DNAH5: variants seen among roughly 807,000 people sequenced by gnomAD.
The protein encoded by DNAH5 is axonemal beta dynein heavy chain 5.
A neutral mutation model predicts 518.2 loss-of-function variants in DNAH5; 372 were observed. The ratio of observed to expected loss-of-function variants is 0.72; its 90% CI spans 0.66 to 0.78. The LOEUF (loss-of-function observed/expected upper bound fraction) is 0.78. Among genes scored for constraint, DNAH5 ranks in the 30% least tolerant of loss-of-function variants. DNAH5 has a pLI of 0.00. For missense variants in DNAH5, 5,523 were observed against 5,687.0 expected (o/e 0.97, Z 0.93); for synonymous variants, 2,039 against 2,025.9 (o/e 1.01, Z -0.17).
intron 1 of DNAH5, among the ~76,000 whole-genome samples, chr5:13,985,925 C>T (rs998326604): frequency 2.0e-5 from 3 of 152,194 alleles, no homozygotes; most frequent in East Asian, 1.9e-4. Context: ...CTGCTCCATT[C>T]GGGATTTTTT....
chr5:13,850,796 T>A lies in DNAH5; in HGVS notation c.4970A>T (p.Asn1657Ile). 6.2e-7 allele frequency: 1 copy of A among 1,614,212 alleles called. No homozygotes were observed. The highest frequency in any genetic ancestry group is 1.7e-4 in the Middle Eastern group (1 of 6,044). ...GATCTTCACCCAAGATTTATCTATGTTAGAAAACCGCTTGGCTTCCTATGA... is the reference window on the plus strand; with the variant it reads ...GATCTTCACCCAAGATTTATCTATGATAGAAAACCGCTTGGCTTCCTATGA... ...QLPKEAKRFS[N>I]IDKSWVKIMT... The change falls in exon 31 of 79, where the codon AAC becomes ATC. Residue 1657 changes from asparagine (N) to isoleucine (I), a missense_variant. By Grantham distance (149) the Asn-to-Ile change is moderately radical. This residue lies in a region of DNAH5 where 5,121 missense variants were observed against 5,223.3 expected (regional missense o/e 0.98). Transcript: ENST00000265104.
At chr5:13,862,208 T>C (rs1448912539) in intron 29 of DNAH5, among the ~76,000 whole-genome samples, 2 of 152,154 alleles carry the variant, frequency 1.3e-5, no homozygotes, top group African/African-American at 4.8e-5. Flanking sequence ...TGGCTAATTA[T>C]ACGTTGCATT....
At chr5:13,837,692 CTTTTTTTTTTTTT>C (rs534618242) in intron 35 of DNAH5, among the ~76,000 whole-genome samples, 2 of 95,108 alleles carry the variant, frequency 2.1e-5, no homozygotes, top group African/African-American at 4.1e-5. Context: ...GGGAACTCCA[CTTTTTTTTTTTTT>C]TTTTTTTTTT....
At chr5:13,694,606 A>C (rs1741120817) in intron 78 of DNAH5, among the ~76,000 whole-genome samples, 1 of 152,172 alleles carries the variant, frequency 6.6e-6, no homozygotes, top group African/African-American at 2.4e-5. Flanking sequence ...CCTTGGGGGA[A>C]TTTCATTTTC....
intron 1 of DNAH5, among the ~76,000 whole-genome samples, chr5:13,988,188 G>A (rs763044809): frequency 2.0e-5 from 3 of 152,262 alleles, no homozygotes; most frequent in South Asian, 2.1e-4. Context: ...GTAGAAAATC[G>A]TAGTATCATA....
intron 75 of DNAH5, among the ~76,000 whole-genome samples, chr5:13,710,592 A>C (rs1200338604): frequency 2.6e-5 from 4 of 152,226 alleles, no homozygotes; most frequent in African/African-American, 9.6e-5. Context: ...TTCTTTGAAA[A>C]GATAAATAAA....
At chr5:13,827,400 T>C (rs1763018047) in intron 38 of DNAH5, among the ~76,000 whole-genome samples, 1 of 150,718 alleles carries the variant, frequency 6.6e-6, no homozygotes, top group South Asian at 2.1e-4. Flanking sequence ...GGAAAAATGG[T>C]TTCCTGGGCC....
At position 13,839,346 on chromosome 5, in the gene DNAH5, G is replaced by A. The variant is rs892709959; in HGVS notation, c.5882+10C>T. ...AAAATGGTGGGGGTTGGGGAGAAGG[G>A]TTCCATCACCTGTCTGTAAGTGGAG... On this transcript the variant is annotated intron_variant, in intron 35 of 78. Coordinates refer to ENST00000265104, the MANE Select transcript of DNAH5 (RefSeq NM_001369.3). 1.9e-6 allele frequency: 3 copies of A among 1,613,438 alleles called. No individual in the cohort carries two copies.
At chr5:13,716,737 T>A in intron 73 of DNAH5, 47 bp from the exon 74 acceptor site, 1 of 1,349,538 alleles carries the variant, frequency 7.4e-7, no homozygotes, top group Non-Finnish European at 1.1e-6. Flanking sequence ...TACCGTTGCA[T>A]TATTATTTCC....
chr5:14,002,836 A>AAT (rs1213808421), intron 1 of DNAH5, among the ~76,000 whole-genome samples: 10 of 151,792 alleles, frequency 6.6e-5, no homozygotes, highest in South Asian at 2.1e-4. Context: ...TTTATTAATA[A>AAT]ATATATATAT....
At position 13,886,076 on chromosome 5, in the gene DNAH5, C is replaced by T; in HGVS notation, c.2631G>A (p.Glu877=). The stretch of plus-strand genomic sequence containing the variant: ...TATTTACAAGCTCATTGACTGCCTC[C>T]TCCACTAATGAGCTTTTAAAATGTA... The part of the protein sequence containing the change: ...QILHFKSSLV[E]EAVNELVNML... The change falls in exon 18 of 79, where the codon GAG becomes GAA. Residue 877 remains glutamate, a synonymous_variant. Transcript: ENST00000265104. 4 of 1,610,814 alleles carry T rather than the reference C, an allele frequency of 2.5e-6. No homozygotes were observed. The highest frequency in any genetic ancestry group is 3.4e-6 in the Non-Finnish European group (4 of 1,179,654).
At chr5:13,968,881 T>C (rs1057313804) in intron 1 of DNAH5, among the ~76,000 whole-genome samples, 1 of 152,170 alleles carries the variant, frequency 6.6e-6, no homozygotes, top group Non-Finnish European at 1.5e-5. Flanking sequence ...ATAGTGTCGA[T>C]AGGATTGATA....
intron 8 of DNAH5, 96 bp from the exon 9 acceptor site, chr5:13,916,551 A>T: frequency 1.6e-6 from 1 of 628,318 alleles, no homozygotes; most frequent in Non-Finnish European, 2.9e-6. Context: ...AAAGTTTAAG[A>T]GCTTTCTATT....
chr5:13,761,976 A>G (rs1751847800), intron 60 of DNAH5, among the ~76,000 whole-genome samples: 1 of 152,202 alleles, frequency 6.6e-6, no homozygotes, highest in Non-Finnish European at 1.5e-5. Context: ...TAACAAGTGT[A>G]AGTAGAATGT....
At chr5:13,754,119 A>G (rs1750654253) in intron 62 of DNAH5, 84 bp downstream of exon 62, 3 of 1,548,724 alleles carry the variant, frequency 1.9e-6, no homozygotes, top group Admixed American at 1.7e-5. Flanking sequence ...TGTTGGACAC[A>G]CAAAGGAATT....
intron 1 of DNAH5, among the ~76,000 whole-genome samples, chr5:13,978,966 C>T (rs1050030586): frequency 3.9e-5 from 6 of 152,134 alleles, no homozygotes; most frequent in Non-Finnish European, 8.8e-5. Context: ...ACCTGGCCAG[C>T]CTCCTCTGCC....
chr5:14,003,064 T>C (rs1051366129), intron 1 of DNAH5, among the ~76,000 whole-genome samples: 16 of 152,230 alleles, frequency 1.1e-4, no homozygotes, highest in African/African-American at 3.9e-4. Context: ...CTGTTTTTAA[T>C]GACTAGCATT....
rs1446175382 is a variant in DNAH5 at position 13,894,656 on chromosome 5, T to C, written c.2425A>G (p.Lys809Glu). 2.5e-6 allele frequency: 4 copies of C among 1,613,852 alleles called. No homozygotes were observed. The Admixed American group carries it at 5.0e-5, about 20-fold the overall frequency. ...ATTATTCAGGCAGACTTACTGATCT[T>C]TGCAAAAGTGTTTTCTAAATAAGCC... ...IEAYLENTFA[K>E]IKDLELLLDR... Residue 809 changes from lysine to glutamate, a missense_variant, in exon 16 of 79, where the codon AAG (lysine) becomes GAG (glutamate). Coordinates refer to ENST00000265104, the MANE Select transcript of DNAH5 (RefSeq NM_001369.3).
intron 40 of DNAH5, among the ~76,000 whole-genome samples, chr5:13,821,649 T>G (rs1053098615): frequency 6.6e-6 from 1 of 152,230 alleles, no homozygotes; most frequent in Non-Finnish European, 1.5e-5. Context: ...GAACTCACAG[T>G]ACGTAATGAT....
Sources: gnomAD v4.1 joint callset for allele counts (sites outside exome capture counted in the v4.1 genomes callset) on GRCh38, gnomAD v4.1.1 for gene constraint, gnomAD v4.1.1 regional missense constraint, MANE v1.5 for transcripts, NCBI Gene and HGNC (gene_info 2026-07-23, HGNC 2026-07-21) for gene names.